Variants in ATG7 observed in about 807,000 individuals in gnomAD.
ATG7 encodes ubiquitin-like modifier-activating enzyme ATG7.
In ATG7, 70 loss-of-function variants were observed where a neutral mutation model predicts 82.4. That is an observed-to-expected ratio of 0.85 (90% confidence interval 0.70 to 1.04). The LOEUF is 1.04. Among genes scored for constraint, ATG7 ranks in the 50% least tolerant of loss-of-function variants. The pLI is 0.00. For missense variants in ATG7, 792 were observed against 864.3 expected, an observed-to-expected ratio of 0.92 and a Z score of 1.05; for synonymous variants, 287 against 313.0, an observed-to-expected ratio of 0.92 and a Z score of 0.88.
At chr3:11,379,283 C>T (rs1037075652) in intron 18 of ATG7, among the ~76,000 whole-genome samples, 1 of 152,092 alleles carries the variant, frequency 6.6e-6, no homozygotes, top group South Asian at 2.1e-4. Flanking sequence ...AAAGCTCCCC[C>T]TTTGGTGTAA....
chr3:11,474,365 C>T (rs935977076), intron 20 of ATG7, among the ~76,000 whole-genome samples: 3 of 152,212 alleles, frequency 2.0e-5, no homozygotes, highest in African/African-American at 7.2e-5. Flanking sequence ...TTGAGAGGCC[C>T]GAGGTAGGTG....
chr3:11,449,960 C>T (rs547107198), intron 20 of ATG7, among the ~76,000 whole-genome samples: 14 of 152,192 alleles, frequency 9.2e-5, no homozygotes, highest in Non-Finnish European at 2.1e-4. Context: ...GTGTTTGGCC[C>T]TCAATAAACT....
chr3:11,569,568 G>A, the ATG7 span, among the ~76,000 whole-genome samples: 1 of 152,256 alleles, frequency 6.6e-6, no homozygotes. Flanking sequence ...GAGATTCAAA[G>A]GAGGAGGGGC....
intron 20 of ATG7, among the ~76,000 whole-genome samples, chr3:11,548,345 TTC>T (rs2125051865): frequency 6.6e-6 from 1 of 152,356 alleles, no homozygotes; most frequent in South Asian, 2.1e-4. Flanking sequence ...TGGCTATCTT[TTC>T]TCTTTCTTAA....
intron 9 of ATG7, among the ~76,000 whole-genome samples, chr3:11,316,534 T>C (rs1949437715): frequency 6.6e-6 from 1 of 152,240 alleles, no homozygotes; most frequent in Non-Finnish European, 1.5e-5. Context: ...TATCCCTATC[T>C]GAAGTCACTG....
intron 20 of ATG7, among the ~76,000 whole-genome samples, chr3:11,469,568 TTG>T: frequency 6.6e-6 from 1 of 152,338 alleles, no homozygotes; most frequent in Middle Eastern, 3.4e-3. Context: ...GATGATACAC[TTG>T]GCCTTTCACC....
intron 16 of ATG7, 91 bp downstream of exon 16, chr3:11,360,875 T>A: frequency 7.6e-7 from 1 of 1,321,868 alleles, no homozygotes; most frequent in African/African-American, 1.5e-5. Context: ...TATGACTATT[T>A]AAATATTATC....
rs1175855574 is a variant in ATG7 at position 11,465,873 on chromosome 3, C to T, written c.2079+38947C>T. Among the ~76,000 whole-genome samples, 7 of 152,136 alleles carry T rather than the reference C, an allele frequency of 4.6e-5. No individual in the cohort carries two copies. In the East Asian group the frequency reaches 9.6e-4, roughly 21 times the overall value. Reference sequence around the variant, plus strand: ...GAAGAAGGGGAGAGAATTGGAAAGCCCCTGGTTAGCTTTAAGGGCCTCTCA... The same window carrying T: ...GAAGAAGGGGAGAGAATTGGAAAGCTCCTGGTTAGCTTTAAGGGCCTCTCA... On this transcript the variant is annotated intron_variant, in intron 20 of 20. Coordinates refer to ENST00000693202, the MANE Select transcript of ATG7 (RefSeq NM_001349232.2).
intron 20 of ATG7, chr3:11,510,334 G>A (rs1311898654): frequency 2.2e-6 from 1 of 452,374 alleles, no homozygotes; most frequent in Non-Finnish European, 4.4e-6. Context: ...TGTATAATTT[G>A]TGTTATTACC....
At chr3:11,325,423 G>T (rs2594996) in intron 9 of ATG7, among the ~76,000 whole-genome samples, 79,564 of 152,070 alleles carry the variant, frequency 0.52, 21,847 homozygotes, top group Non-Finnish European at 0.63. Flanking sequence ...TGTAATCACA[G>T]CACTTTGGGA....
chr3:11,289,949 C>T (rs764324622), intron 3 of ATG7, among the ~76,000 whole-genome samples: 4 of 152,112 alleles, frequency 2.6e-5, no homozygotes, highest in East Asian at 1.9e-4. Context: ...CCCCTTTGGT[C>T]GCACATCTTC....
chr3:11,411,366 C>T (rs563691159), intron 19 of ATG7, among the ~76,000 whole-genome samples: 2 of 152,008 alleles, frequency 1.3e-5, no homozygotes, highest in African/African-American at 4.8e-5. Context: ...TGGCTCATGC[C>T]TGTAATCCCA....
At position 11,430,882 on chromosome 3, in the gene ATG7, G is replaced by A. The variant is rs555886525; in HGVS notation, c.2079+3956G>A. Among the ~76,000 whole-genome samples, 5 of 152,330 alleles carry A rather than the reference G, an allele frequency of 3.3e-5. 1 individual carries two copies. Among genetic ancestry groups the A allele is most frequent in the African/African-American group, 1.2e-4 (5 of 41,568 alleles). On this transcript the variant is annotated intron_variant, in intron 20 of 20. Coordinates refer to ENST00000693202, the MANE Select transcript of ATG7 (RefSeq NM_001349232.2). ...TTCACTTAGTTTTAAAGGATGAGTA[G>A]ACTATTTTTAAAAATAAAAGTTGGA...
intron 20 of ATG7, among the ~76,000 whole-genome samples, chr3:11,543,028 C>T (rs1043880903): frequency 1.3e-5 from 2 of 152,202 alleles, no homozygotes; most frequent in Admixed American, 6.5e-5. Context: ...CTGCTGCCCC[C>T]CTCCCTGGAG....
At chr3:11,481,908 C>A (rs35854631) in intron 20 of ATG7, among the ~76,000 whole-genome samples, 32,292 of 152,094 alleles carry the variant, frequency 0.21, 3,889 homozygotes, top group South Asian at 0.35. Flanking sequence ...GGCCCAAACA[C>A]GGGAATGTTT....
intron 20 of ATG7, among the ~76,000 whole-genome samples, chr3:11,514,741 A>G (rs573836799): frequency 1.3e-5 from 2 of 152,266 alleles, no homozygotes; most frequent in South Asian, 4.2e-4. Flanking sequence ...AAATTAATCA[A>G]TCCCCTGGCA....
rs1445573825 is a variant in ATG7 at position 11,331,373 on chromosome 3, G to A, written c.712G>A (p.Ala238Thr). ...TGGTGTATATGATCCCTGTAACTTA[G>A]CCCAGTACCCTGGATGGCCTTTGAG... ...TIGVYDPCNLAQYPGWPLRNF... is the reference protein window; with the variant it reads ...TIGVYDPCNLTQYPGWPLRNF... Residue 238 changes from alanine to threonine, a missense_variant, in exon 10 of 21, where the codon GCC (alanine) becomes ACC (threonine). Ala to Thr is a moderately conservative substitution (Grantham distance 58). Coordinates refer to ENST00000693202, the MANE Select transcript of ATG7 (RefSeq NM_001349232.2). 3.7e-6 allele frequency: 6 copies of A among 1,613,882 alleles called. No individual in the cohort carries two copies. The East Asian group carries it at 1.3e-4, about 36-fold the overall frequency.
chr3:11,437,537 C>G (rs991135537), intron 20 of ATG7, among the ~76,000 whole-genome samples: 7 of 152,182 alleles, frequency 4.6e-5, no homozygotes, highest in African/African-American at 1.7e-4. Context: ...CAACCTGGAT[C>G]TGAATTTTTA....
chr3:11,351,488 A>T (rs1559451169), intron 14 of ATG7, among the ~76,000 whole-genome samples: 1 of 152,218 alleles, frequency 6.6e-6, no homozygotes, highest in South Asian at 2.1e-4. Context: ...TGGCTGCAAC[A>T]TAGAGGTCAA....
Sources: allele counts gnomAD v4.1 joint callset (sites outside exome capture counted in the v4.1 genomes callset), GRCh38; gene constraint gnomAD v4.1.1; transcripts MANE v1.5; gene names NCBI Gene and HGNC (gene_info 2026-07-23, HGNC 2026-07-21).